RIMBP2: variants seen among roughly 807,000 people sequenced by gnomAD.
RIMBP2 encodes the protein RIMS binding protein 2.
A neutral mutation model predicts 118.6 loss-of-function variants in RIMBP2; 48 were observed. The ratio of observed to expected loss-of-function variants is 0.40; its 90% confidence interval spans 0.32 to 0.51. The LOEUF is 0.51. RIMBP2 is among the 20% of genes least tolerant of loss of function. The pLI, the probability that RIMBP2 is intolerant of heterozygous loss-of-function variation, is 0.41. For missense variants in RIMBP2, 1,551 were observed against 1,768.3 expected (o/e 0.88, Z 2.20); for synonymous variants, 762 against 742.9 (o/e 1.03, Z -0.42).
At chr12:130,572,285 A>G (rs967542519) in intron 2 of RIMBP2, among the ~76,000 whole-genome samples, 2 of 152,340 alleles carry the variant, frequency 1.3e-5, no homozygotes, top group East Asian at 3.9e-4. Context: ...CATCAGCAAA[A>G]GATGCCTTTG....
chr12:130,683,596 G>A lies in RIMBP2; in HGVS notation c.-352+32626C>T, dbSNP rs918621795. ...AAGTCACTGGATGAGATAGGAGGTCGACAAAAGACACAGGTCATAAAGACC... is the reference window on the plus strand; with the variant it reads ...AAGTCACTGGATGAGATAGGAGGTCAACAAAAGACACAGGTCATAAAGACC... On this transcript the variant is annotated intron_variant, in intron 1 of 22. Coordinates refer to ENST00000690449, the MANE Select transcript of RIMBP2 (RefSeq NM_001393629.1). This position sits in a 1 kb window ranked among gnomAD's most constrained non-coding sequence, Gnocchi z 4.4. Among the ~76,000 whole-genome samples the A allele has an allele frequency of 7.9e-5, 12 of 152,118 alleles. No individual in the cohort carries two copies. The highest frequency in any genetic ancestry group is 2.2e-4 in the African/African-American group (9 of 41,412).
intron 1 of RIMBP2, among the ~76,000 whole-genome samples, chr12:130,675,634 GCTCT>G (rs1014622635): frequency 6.6e-6 from 1 of 152,128 alleles, no homozygotes; most frequent in African/African-American, 2.4e-5. Context: ...CCCCGAAACT[GCTCT>G]CTGAGAGCCA....
chr12:130,431,512 A>G lies in RIMBP2; in HGVS notation c.2254-3175T>C. 3.1e-6 allele frequency: 1 copy of G among 322,356 alleles called. No individual in the cohort carries two copies. The highest frequency in any genetic ancestry group is 2.8e-5 in the South Asian group (1 of 36,296). The allele number at this position is 322,356 out of a possible 1,614,324, so 20.0% of individuals were successfully genotyped here. ...ATTTAACGTTACTTTTAAAGAAAAT[A>G]TCTCAACTGTAAATGGAAAATAAGT... On this transcript the variant is annotated intron_variant, in intron 14 of 22. Transcript: ENST00000690449. This position sits in a 1 kb window ranked among gnomAD's most constrained non-coding sequence, Gnocchi z 4.0.
chr12:130,512,384 A>G (rs544371482), intron 3 of RIMBP2, among the ~76,000 whole-genome samples: 4 of 151,950 alleles, frequency 2.6e-5, no homozygotes, highest in Non-Finnish European at 5.9e-5. Flanking sequence ...GTGCAGTGGC[A>G]TGATCTTGGC....
intron 1 of RIMBP2, among the ~76,000 whole-genome samples, chr12:130,711,773 C>T (rs760838070): frequency 2.0e-5 from 3 of 152,354 alleles, no homozygotes; most frequent in East Asian, 1.9e-4. Context: ...AATGCAGTCA[C>T]GCCTTGCTTA....
At chr12:130,630,282 G>A (rs1415475850) in intron 1 of RIMBP2, among the ~76,000 whole-genome samples, 1 of 151,314 alleles carries the variant, frequency 6.6e-6, no homozygotes, top group Admixed American at 6.6e-5. Flanking sequence ...TACAGAAAGA[G>A]TTATTGTCAA....
intron 2 of RIMBP2, among the ~76,000 whole-genome samples, chr12:130,611,396 T>C (rs2060539122): frequency 6.6e-6 from 1 of 152,120 alleles, no homozygotes. Context: ...CGTTGCAGGA[T>C]ATTGGGGGCC....
At chr12:130,466,759 C>G (rs767671787) in intron 6 of RIMBP2, among the ~76,000 whole-genome samples, 11 of 152,200 alleles carry the variant, frequency 7.2e-5, no homozygotes, top group South Asian at 2.1e-4. Flanking sequence ...GTAAATTGAT[C>G]GTTTATCTTC....
At chr12:130,608,713 AT>A (rs1421780941) in intron 2 of RIMBP2, among the ~76,000 whole-genome samples, 5 of 152,196 alleles carry the variant, frequency 3.3e-5, no homozygotes, top group African/African-American at 4.8e-5. Flanking sequence ...ATCACGTGGC[AT>A]TTTGACATAT....
At chr12:130,681,809 C>T (rs146458648) in intron 1 of RIMBP2, among the ~76,000 whole-genome samples, 75 of 152,244 alleles carry the variant, frequency 4.9e-4, no homozygotes, top group South Asian at 1.0e-3. Flanking sequence ...ATTCTCCTGC[C>T]GCAGCCTCCC....
intron 1 of RIMBP2, among the ~76,000 whole-genome samples, chr12:130,652,293 G>T (rs2063260920): frequency 6.6e-6 from 1 of 152,154 alleles, no homozygotes; most frequent in South Asian, 2.1e-4. Context: ...AGTATCTATG[G>T]CTGCCTTAGT....
intron 1 of RIMBP2, among the ~76,000 whole-genome samples, chr12:130,653,443 A>G (rs1396944168): frequency 1.3e-5 from 2 of 152,250 alleles, no homozygotes; most frequent in African/African-American, 4.8e-5. Context: ...GTGGCTTTGC[A>G]GGGTGCAGCT....
chr12:130,704,787 G>A (rs987763620), intron 1 of RIMBP2, among the ~76,000 whole-genome samples: 3 of 152,056 alleles, frequency 2.0e-5, no homozygotes, highest in Non-Finnish European at 2.9e-5. Flanking sequence ...AAGACGGGCC[G>A]AGGCTCCGGG....
intron 2 of RIMBP2, among the ~76,000 whole-genome samples, chr12:130,562,650 C>G (rs1418591683): frequency 6.6e-6 from 1 of 152,228 alleles, no homozygotes; most frequent in Non-Finnish European, 1.5e-5. Context: ...CCAGGACCAA[C>G]CCCTCATAAA....
At chr12:130,646,973 G>T (rs996091727) in intron 1 of RIMBP2, among the ~76,000 whole-genome samples, 1 of 152,222 alleles carries the variant, frequency 6.6e-6, no homozygotes, top group Non-Finnish European at 1.5e-5. Flanking sequence ...CTTAGCCTAC[G>T]CAATTCTCAC....
intron 2 of RIMBP2, among the ~76,000 whole-genome samples, chr12:130,526,760 A>G (rs993883921): frequency 6.6e-6 from 1 of 152,206 alleles, no homozygotes. Context: ...GAATAATATT[A>G]TATAAGAATG....
At chr12:130,702,723 C>T (rs1191955391) in intron 1 of RIMBP2, among the ~76,000 whole-genome samples, 3 of 152,076 alleles carry the variant, frequency 2.0e-5, no homozygotes, top group African/African-American at 7.2e-5. Flanking sequence ...TAGTAAGAAC[C>T]ATGGCCGGGC....
chr12:130,557,340 G>T (rs562617245), intron 2 of RIMBP2, among the ~76,000 whole-genome samples: 153 of 152,214 alleles, frequency 1.0e-3, no homozygotes, highest in Non-Finnish European at 1.7e-3. Flanking sequence ...CACGCCACAC[G>T]TTTCTATCTA....
At chr12:130,416,306 A>G (rs950978749) in intron 17 of RIMBP2, among the ~76,000 whole-genome samples, 6 of 152,246 alleles carry the variant, frequency 3.9e-5, no homozygotes, top group Non-Finnish European at 8.8e-5. Context: ...GAGGCATCAC[A>G]TTACCTGACT....
Sources: gnomAD v4.1 joint callset for allele counts (sites outside exome capture counted in the v4.1 genomes callset) on GRCh38, gnomAD v4.1.1 for gene constraint, Gnocchi (gnomAD v3.1) non-coding constraint, MANE v1.5 for transcripts, NCBI Gene and HGNC (gene_info 2026-07-23, HGNC 2026-07-21) for gene names.